MRO: variants seen among roughly 807,000 people sequenced by gnomAD.
The protein encoded by MRO is maestro.
Under a neutral mutation model 31.0 loss-of-function variants are expected in MRO, and 28 were observed. The observed-to-expected ratio is 0.90, with a 90% CI of 0.67 to 1.24. The LOEUF is 1.24. Ranked by LOEUF, MRO falls within the 50% of genes most tolerant of loss-of-function variation. MRO has a pLI of 0.00. For synonymous variants in MRO, 108 were observed against 108.4 expected (o/e 1.00, Z 0.02); for missense variants, 332 against 289.2 (o/e 1.15, Z -1.07).
At position 50,809,330 on chromosome 18, in the gene MRO, C is replaced by T; in HGVS notation, c.71G>A (p.Arg24Lys). ...SIPTSQPKQKRTSMISFFSKV... is the reference protein window; with the variant it reads ...SIPTSQPKQKKTSMISFFSKV... ...GGAAAAGAAAGATATCATTGATGTC[C>T]TTTTCTGCTTGGGCTGGGAAGTAGG... The change falls in exon 3 of 8, where the codon AGG (arginine) becomes AAG (lysine). Residue 24 changes from arginine to lysine, a missense_variant. By Grantham distance (26) the Arg-to-Lys change is conservative (BLOSUM62 2). Coordinates refer to ENST00000398439, the MANE Select transcript of MRO (RefSeq NM_031939.6). 6.2e-7 allele frequency: 1 copy of T among 1,613,578 alleles called. No homozygotes were observed. The highest frequency in any genetic ancestry group is 8.5e-7 in the Non-Finnish European group (1 of 1,179,750).
At position 50,801,411 on chromosome 18, in the gene MRO, C is replaced by T. The variant is rs371656926; in HGVS notation, c.523G>A (p.Val175Ile). ...AGGAGGGAATCTCGTGTCTGCTTAA[C>T]CTGACTGGTGAAAAATTTTTTCCAT... ...RKWKKFFTSQVKQTRDSLLIH... is the reference protein window; with the variant it reads ...RKWKKFFTSQIKQTRDSLLIH... Residue 175 changes from valine to isoleucine, a missense_variant, in exon 6 of 8, where the codon GTT becomes ATT. Coordinates refer to ENST00000398439, the MANE Select transcript of MRO (RefSeq NM_031939.6). The T allele has an allele frequency of 2.7e-4, 430 of 1,611,474 alleles. 6 individuals are homozygous for T. In the South Asian group the frequency reaches 4.4e-3, roughly 17 times the overall value.
intron 7 of MRO, 34 bp downstream of exon 7, chr18:50,800,002 G>A (rs756892525): frequency 5.3e-5 from 80 of 1,502,668 alleles, no homozygotes; most frequent in South Asian, 3.1e-4. Flanking sequence ...GGCAGGGACC[G>A]GAAAAGAATT....
At position 50,809,144 on chromosome 18, in the gene MRO, C is replaced by CAAAAAA. The variant is rs61728184; in HGVS notation, c.99+152_99+157dup. ...TGGGCGACAGAGCGAGACTCCGTCT[C>CAAAAAA]AAAAAAAAAAAAAAAAAAAAAAAAA... is the stretch of plus-strand genomic sequence containing the variant. On this transcript the variant is annotated intron_variant, in intron 3 of 7. Coordinates refer to ENST00000398439, the MANE Select transcript of MRO (RefSeq NM_031939.6). Among the ~76,000 whole-genome samples, 134 of 99,090 alleles carry CAAAAAA rather than the reference C, an allele frequency of 1.4e-3. 9 individuals carry two copies. The highest frequency in any genetic ancestry group is 3.2e-3 in the East Asian group (10 of 3,118). 65.0% of individuals were successfully genotyped at this position (99,090 alleles called of 152,430 possible). A position where few individuals can be genotyped will look rare whatever the true frequency, so the allele number is the denominator to read the frequency against.
chr18:50,812,532 A>G (rs1914559562), intron 2 of MRO, among the ~76,000 whole-genome samples: 1 of 152,032 alleles, frequency 6.6e-6, no homozygotes, highest in African/African-American at 2.4e-5. Flanking sequence ...CAATTTGTCT[A>G]TTTTTGTTGT....
chr18:50,802,055 C>T (rs889756333), intron 5 of MRO, among the ~76,000 whole-genome samples: 1 of 152,160 alleles, frequency 6.6e-6, no homozygotes, highest in Non-Finnish European at 1.5e-5. Flanking sequence ...TTGTTGTGCA[C>T]CTTGAGTTTT....
At chr18:50,820,109 C>T, upstream of MRO, 1 of 729,038 alleles carries the variant, frequency 1.4e-6, no homozygotes, top group Non-Finnish European at 2.3e-6. Context: ...TGGACGGGTT[C>T]CAGGCGACCC....
At chr18:50,823,889 G>C (rs1438283427), upstream of MRO, 1 of 190,646 alleles carries the variant, frequency 5.2e-6, no homozygotes, top group Non-Finnish European at 1.1e-5. Flanking sequence ...CTGAACTTCA[G>C]GGTTTAGAGG....
intron 2 of MRO, among the ~76,000 whole-genome samples, chr18:50,812,731 T>G (rs1914573263): frequency 6.6e-6 from 1 of 152,174 alleles, no homozygotes. Context: ...ACCATTGACT[T>G]GTATGTGTTT....
At chr18:50,810,911 A>G (rs140667253) in intron 2 of MRO, among the ~76,000 whole-genome samples, 4 of 152,274 alleles carry the variant, frequency 2.6e-5, no homozygotes, top group Admixed American at 6.5e-5. Context: ...GGTTTGTTGC[A>G]TATGTATACA....
chr18:50,820,467 T>C (rs1465578164), upstream of MRO, among the ~76,000 whole-genome samples: 1 of 152,348 alleles, frequency 6.6e-6, no homozygotes, highest in East Asian at 1.9e-4. Context: ...TAATTAGTTA[T>C]CGTCTCGCTC....
At chr18:50,820,754 T>A (rs949126694), upstream of MRO, among the ~76,000 whole-genome samples, 1 of 152,192 alleles carries the variant, frequency 6.6e-6, no homozygotes, top group African/African-American at 2.4e-5. Context: ...TTGTGGCAGT[T>A]AAAATTCAGC....
Position 50,796,017 on chromosome 18 carries a change from C to CA in MRO, c.*3319dup, listed in dbSNP as rs1912761992. On this transcript the variant is annotated 3_prime_UTR_variant, in exon 8 of 8. Transcript: ENST00000398439. Reference sequence around the variant, plus strand: ...GGACCAAGCAAAGCTCTACCCTGGGCACTTAGCATGAGGGTCGGGGCACTT... The same window carrying CA: ...GGACCAAGCAAAGCTCTACCCTGGGCAACTTAGCATGAGGGTCGGGGCACTT... 6.6e-6 allele frequency: 1 copy of CA among 152,186 alleles called. No homozygotes were observed. Among genetic ancestry groups the CA allele is most frequent in the African/African-American group, 2.4e-5 (1 of 41,454 alleles). The allele number at this position is 152,186 out of a possible 1,614,324, so 9.4% of individuals were successfully genotyped here.
intron 2 of MRO, among the ~76,000 whole-genome samples, chr18:50,818,333 G>A (rs1915107252): frequency 6.6e-6 from 1 of 152,170 alleles, no homozygotes; most frequent in Non-Finnish European, 1.5e-5. Flanking sequence ...GGAAGCCAAA[G>A]ACACAGCTCT....
chr18:50,809,618 G>C (rs1176418105), intron 2 of MRO, among the ~76,000 whole-genome samples: 1 of 152,002 alleles, frequency 6.6e-6, no homozygotes, highest in African/African-American at 2.4e-5. Flanking sequence ...GGGGTCAAGG[G>C]GGATCTGCCC....
intron 2 of MRO, among the ~76,000 whole-genome samples, chr18:50,816,847 C>T (rs1246078988): frequency 6.6e-6 from 1 of 152,154 alleles, no homozygotes; most frequent in Non-Finnish European, 1.5e-5. Context: ...GTGTGGGCCT[C>T]ATTATAAAAC....
At chr18:50,802,701 A>G (rs747889425) in intron 5 of MRO, among the ~76,000 whole-genome samples, 7 of 151,198 alleles carry the variant, frequency 4.6e-5, no homozygotes, top group Non-Finnish European at 8.8e-5. Flanking sequence ...AAATTGTCTT[A>G]GGGTTTTTGT....
chr18:50,810,424 T>C (rs968772017), intron 2 of MRO, among the ~76,000 whole-genome samples: 1 of 152,056 alleles, frequency 6.6e-6, no homozygotes, highest in Non-Finnish European at 1.5e-5. Flanking sequence ...TCGTGTAAAA[T>C]CAGAATGAGG....
chr18:50,819,747 C>G (rs1338559194), intron 1 of MRO, 45 bp from the exon 2 acceptor site: 1 of 1,548,142 alleles, frequency 6.5e-7, no homozygotes, highest in Non-Finnish European at 8.7e-7. Flanking sequence ...AGGGTCTGTC[C>G]AGGATAACGG....
intron 3 of MRO, among the ~76,000 whole-genome samples, chr18:50,807,703 A>G (rs1021607069): frequency 1.3e-5 from 2 of 152,248 alleles, no homozygotes; most frequent in African/African-American, 4.8e-5. Context: ...TCCAGAATGC[A>G]TGCATCTGAG....
Sources: allele counts gnomAD v4.1 joint callset (sites outside exome capture counted in the v4.1 genomes callset), GRCh38; gene constraint gnomAD v4.1.1; transcripts MANE v1.5; gene names NCBI Gene and HGNC (gene_info 2026-07-23, HGNC 2026-07-21).